HELB: variants seen among roughly 807,000 people sequenced by gnomAD.
HELB encodes the protein DNA helicase B.
A neutral mutation model predicts 101.7 loss-of-function variants in HELB; 96 were observed. That is an observed-to-expected ratio of 0.94 (90% CI 0.80 to 1.12). HELB has a LOEUF of 1.12. Among genes scored for constraint, HELB ranks in the 50% most tolerant of loss-of-function variants. The pLI is 0.00. For missense variants in HELB, 1,210 were observed against 1,291.9 expected, an observed-to-expected ratio of 0.94 and a Z score of 0.97; for synonymous variants, 437 against 459.7, an observed-to-expected ratio of 0.95 and a Z score of 0.63.
At position 66,304,786 on chromosome 12, in the gene HELB, G is replaced by A. The variant is rs767566943; in HGVS notation, c.243G>A (p.Pro81=). ...QETCKVFGRF[P]ITGAWWRVKV... ...CATGTAAAGTGTTTGGACGTTTTCCGATAACAGGTGCTTGGTGGAGAGTGA... is the reference window on the plus strand; with the variant it reads ...CATGTAAAGTGTTTGGACGTTTTCCAATAACAGGTGCTTGGTGGAGAGTGA... Residue 81 remains proline (P), a synonymous_variant, in exon 2 of 13, where the codon CCG becomes CCA. Coordinates refer to ENST00000247815, the MANE Select transcript of HELB (RefSeq NM_001370285.1). 36 of 1,613,938 alleles carry A rather than the reference G, an allele frequency of 2.2e-5. No individual in the cohort carries two copies. Among genetic ancestry groups the A allele is most frequent in the Middle Eastern group, 1.7e-4 (1 of 6,060 alleles).
chr12:66,337,387 G>A (rs566156392), intron 12 of HELB, among the ~76,000 whole-genome samples: 1 of 152,228 alleles, frequency 6.6e-6, no homozygotes, highest in South Asian at 2.1e-4. Flanking sequence ...TTTGACATGA[G>A]CAGAAAAGAG....
chr12:66,302,787 C>A lies in HELB; in HGVS notation c.184C>A (p.Arg62Ser). 6.2e-7 allele frequency: 1 copy of A among 1,606,412 alleles called. No individual in the cohort carries two copies. The highest frequency in any genetic ancestry group is 8.5e-7 in the Non-Finnish European group (1 of 1,175,232). Residue 62 changes from arginine to serine, a missense_variant, in exon 1 of 13, where the codon CGC (arginine) becomes AGC (serine). Arg to Ser is a moderately radical substitution (Grantham distance 110). Transcript: ENST00000247815. ...GGCTGGCAGCCTCCCCGGGTGCCTC[C>A]GCGGTGAGGAAGGCGTCTGCCCGGG... ...VKAGSLPGCL[R>S]VSICDENTQE...
Position 66,331,307 on chromosome 12 carries a change from C to A in HELB, c.2824C>A (p.Pro942Thr), listed in dbSNP as rs749520092. ...LRNAIMKNSF[P>T]RKTRLKHFLQ... ...GAATGCCATTATGAAAAACAGTTTT[C>A]CTAGAAAAACTCGTTTGAAACATTT... The change falls in exon 12 of 13, where the codon CCT becomes ACT. Residue 942 changes from proline to threonine, a missense_variant. Coordinates refer to ENST00000247815, the MANE Select transcript of HELB (RefSeq NM_001370285.1). 1.9e-6 allele frequency: 3 copies of A among 1,614,126 alleles called. No individual in the cohort carries two copies. The South Asian group carries it at 3.3e-5, about 18-fold the overall frequency.
rs372138618 is a variant in HELB at position 66,304,920 on chromosome 12, T to C, written c.377T>C (p.Ile126Thr). 5 of 1,613,986 alleles carry C rather than the reference T, an allele frequency of 3.1e-6. No individual in the cohort carries two copies. In the African/African-American group the frequency reaches 5.3e-5, roughly 17 times the overall value. The change falls in exon 2 of 13, where the codon ATC becomes ACC. Residue 126 changes from isoleucine to threonine, a missense_variant. By Grantham distance (89) the Ile-to-Thr change is moderately conservative (BLOSUM62 -1). Transcript: ENST00000247815. ...SDMSPPNQKH[I>T]CALFLKECEV... ...ATGTCACCACCAAATCAAAAACATA[T>C]CTGTGCTCTCTTTCTTAAAGAGTGT...
chr12:66,303,642 A>G (rs1313370385), intron 1 of HELB, among the ~76,000 whole-genome samples: 2 of 152,184 alleles, frequency 1.3e-5, no homozygotes, highest in South Asian at 2.1e-4. Flanking sequence ...TCAAAAAACG[A>G]AAAGGAAAGA....
At chr12:66,303,530 G>A (rs960118596) in intron 1 of HELB, among the ~76,000 whole-genome samples, 3 of 152,136 alleles carry the variant, frequency 2.0e-5, no homozygotes, top group African/African-American at 7.2e-5. Context: ...CTACTTGGGA[G>A]GCCGAGGCAG....
At chr12:66,338,863 T>C (rs2053894988), downstream of HELB, 1 of 152,240 alleles carries the variant, frequency 6.6e-6, no homozygotes, top group Admixed American at 6.5e-5. Context: ...AGACTGCTGC[T>C]CACTTCATCA....
chr12:66,334,811 A>G (rs894795906), intron 12 of HELB, among the ~76,000 whole-genome samples: 1 of 151,984 alleles, frequency 6.6e-6, no homozygotes, highest in African/African-American at 2.4e-5. Context: ...ACATACATAC[A>G]AAATAAACAA....
At chr12:66,327,877 A>G (rs929461994) in intron 11 of HELB, among the ~76,000 whole-genome samples, 10 of 152,174 alleles carry the variant, frequency 6.6e-5, no homozygotes, top group Admixed American at 5.2e-4. Context: ...AGTGGGTGCA[A>G]TTGTGATTTT....
In HELB at chr12:66,331,336, G is replaced by A. The variant is rs11176150; in HGVS notation, c.2853G>A (p.Leu951=). 7.5e-4 allele frequency: 1,208 copies of A among 1,614,160 alleles called. 31 individuals carry two copies. The East Asian group carries it at 0.015, about 20-fold the overall frequency. The change falls in exon 12 of 13, where the codon TTG becomes TTA. Residue 951 remains leucine, a synonymous_variant. Transcript: ENST00000247815. ...FPRKTRLKHF[L]QSKLSSSGAP... is the part of the protein sequence containing the mutation. ...GAAAAACTCGTTTGAAACATTTCTT[G>A]CAAAGTAAGCTCTCCTCTAGCGGCG...
intron 8 of HELB, 87 bp from the exon 9 acceptor site, chr12:66,322,637 G>A: frequency 2.8e-6 from 2 of 713,792 alleles, no homozygotes; most frequent in Non-Finnish European, 2.4e-6. Flanking sequence ...ACGTTTTGTA[G>A]AATCTAGTAT....
At chr12:66,312,815 T>C (rs1274702799) in intron 4 of HELB, among the ~76,000 whole-genome samples, 2 of 152,220 alleles carry the variant, frequency 1.3e-5, no homozygotes, top group Admixed American at 6.5e-5. Context: ...AGTATAAGTT[T>C]GTATCAAATA....
At chr12:66,307,083 A>G (rs917390062) in intron 3 of HELB, among the ~76,000 whole-genome samples, 3 of 152,192 alleles carry the variant, frequency 2.0e-5, no homozygotes, top group Non-Finnish European at 4.4e-5. Context: ...GGTATTGGAA[A>G]CCAAATGTGG....
intron 1 of HELB, among the ~76,000 whole-genome samples, chr12:66,304,313 CTGTAGTAAA>C (rs2053445862): frequency 6.6e-6 from 1 of 152,118 alleles, no homozygotes; most frequent in Non-Finnish European, 1.5e-5. Context: ...AAGCTGAGGT[CTGTAGTAAA>C]TGTAGTAAAC....
chr12:66,338,287 G>A (rs1475210801), downstream of HELB: 2 of 555,850 alleles, frequency 3.6e-6, no homozygotes, highest in East Asian at 3.3e-5. Flanking sequence ...CATGAGAACT[G>A]GTAGCACTGG....
chr12:66,331,048 T>C lies in HELB; in HGVS notation c.2671-106T>C, dbSNP rs530512617. 17 of 1,266,338 alleles carry C rather than the reference T, an allele frequency of 1.3e-5. No homozygotes were observed. The Admixed American group carries it at 1.8e-4, about 14-fold the overall frequency. The allele number at this position is 1,266,338 out of a possible 1,614,324, so 78.4% of individuals were successfully genotyped here. Reference sequence around the variant, plus strand: ...GACACATAATAATAGTCTGGCCAGGTAGAAGTGCTTGAGAGCACTTTGAAC... The same window carrying C: ...GACACATAATAATAGTCTGGCCAGGCAGAAGTGCTTGAGAGCACTTTGAAC... On this transcript the variant is annotated intron_variant, in intron 11 of 12. Coordinates refer to ENST00000247815, the MANE Select transcript of HELB (RefSeq NM_001370285.1).
At chr12:66,312,262 G>A (rs554094024) in intron 4 of HELB, among the ~76,000 whole-genome samples, 2 of 152,292 alleles carry the variant, frequency 1.3e-5, no homozygotes, top group Admixed American at 6.5e-5. Context: ...CCAGCTTGTT[G>A]TTCTTTCCAT....
intron 6 of HELB, among the ~76,000 whole-genome samples, chr12:66,318,020 G>A (rs2053629300): frequency 6.6e-6 from 1 of 152,150 alleles, no homozygotes; most frequent in African/African-American, 2.4e-5. Flanking sequence ...AATGAAAGAA[G>A]GATGAGGAAG....
intron 12 of HELB, among the ~76,000 whole-genome samples, chr12:66,332,185 T>A (rs562091811): frequency 6.6e-6 from 1 of 152,256 alleles, no homozygotes; most frequent in East Asian, 1.9e-4. Context: ...CTTTTCCAAT[T>A]TCTCCATTTC....
Sources: gnomAD v4.1 joint callset for allele counts (sites outside exome capture counted in the v4.1 genomes callset) on GRCh38, gnomAD v4.1.1 for gene constraint, MANE v1.5 for transcripts, NCBI Gene and HGNC (gene_info 2026-07-23, HGNC 2026-07-21) for gene names.